Variants in PPM1F observed in about 807,000 individuals in gnomAD.
PPM1F encodes protein phosphatase 1F.
A neutral mutation model predicts 35.5 loss-of-function variants in PPM1F; 17 were observed. The ratio of observed to expected loss-of-function variants is 0.48; its 90% CI spans 0.33 to 0.72. The LOEUF (loss-of-function observed/expected upper bound fraction) is 0.72, where lower values mean the gene tolerates loss of function less well. Among genes scored for constraint, PPM1F ranks in the 30% least tolerant of loss-of-function variants. The pLI, the probability that PPM1F is intolerant of heterozygous loss-of-function variation, is 0.02. For synonymous variants in PPM1F, 241 were observed against 255.5 expected (o/e 0.94, Z 0.54); for missense variants, 521 against 613.0 (o/e 0.85, Z 1.59).
At chr22:21,946,207 G>A (rs915767904) in intron 1 of PPM1F, 99 bp from the exon 2 acceptor site, 4 of 555,784 alleles carry the variant, frequency 7.2e-6, no homozygotes, top group South Asian at 2.9e-5. Flanking sequence ...ATGGCCTCAT[G>A]GTTCAGGGCC....
Position 21,922,415 on chromosome 22 carries a change from C to A in PPM1F, c.*677G>T, listed in dbSNP as rs1601774765. 1 of 152,518 alleles carries A rather than the reference C, an allele frequency of 6.6e-6. No individual in the cohort carries two copies. The allele number at this position is 152,518 out of a possible 1,614,324, so 9.4% of individuals were successfully genotyped here. A position where few individuals can be genotyped will look rare whatever the true frequency, so the allele number is the denominator to read the frequency against. On this transcript the variant is annotated 3_prime_UTR_variant, in exon 8 of 8. Coordinates refer to ENST00000263212, the MANE Select transcript of PPM1F (RefSeq NM_014634.4). ...CCCTGGAAAAAAACAAACACACCAACAAAAGACACATGTGCGTCGCCGGTT... is the reference window on the plus strand; with the variant it reads ...CCCTGGAAAAAAACAAACACACCAAAAAAAGACACATGTGCGTCGCCGGTT...
intron 6 of PPM1F, among the ~76,000 whole-genome samples, chr22:21,928,332 T>C (rs1251066273): frequency 6.6e-6 from 1 of 152,164 alleles, no homozygotes; most frequent in East Asian, 1.9e-4. Context: ...CCGGGACTCC[T>C]ATCTCTCCCA....
intron 7 of PPM1F, among the ~76,000 whole-genome samples, chr22:21,923,788 C>T (rs2070477277): frequency 6.6e-6 from 1 of 152,106 alleles, no homozygotes. Context: ...AGCGATTCCC[C>T]TGCCTCAGCC....
intron 5 of PPM1F, among the ~76,000 whole-genome samples, chr22:21,931,833 G>A (rs2070594627): frequency 6.7e-6 from 1 of 150,372 alleles, no homozygotes. Context: ...TTTATTTAGA[G>A]GCAAAATCTT....
intron 3 of PPM1F, chr22:21,938,655 T>C (rs2070691107): frequency 1.0e-6 from 1 of 981,344 alleles, no homozygotes; most frequent in African/African-American, 1.8e-5. Flanking sequence ...GAAAATCCAC[T>C]GCAACTCTGC....
intron 1 of PPM1F, chr22:21,946,340 C>A: frequency 3.2e-6 from 1 of 312,758 alleles, no homozygotes; most frequent in South Asian, 9.6e-5. Flanking sequence ...TGGACATTGT[C>A]AAGAAGTGAC....
At chr22:21,938,134 C>T in intron 3 of PPM1F, 1 of 1,301,962 alleles carries the variant, frequency 7.7e-7, no homozygotes, top group South Asian at 1.2e-5. Context: ...CGCCCTCCCT[C>T]CTTCCCAGGC....
chr22:21,925,908 C>T (rs954003545), intron 6 of PPM1F: 1 of 427,096 alleles, frequency 2.3e-6, no homozygotes, highest in Non-Finnish European at 4.1e-6. Flanking sequence ...CCTGAGGCCG[C>T]CTAGCGGTGC....
intron 6 of PPM1F, among the ~76,000 whole-genome samples, chr22:21,927,569 C>A (rs945977890): frequency 6.6e-6 from 1 of 152,250 alleles, no homozygotes; most frequent in Non-Finnish European, 1.5e-5. Flanking sequence ...GGCTCTCCCC[C>A]ACAGGGGGCC....
intron 2 of PPM1F, chr22:21,941,576 C>G (rs1224198924): frequency 6.6e-6 from 1 of 152,280 alleles, no homozygotes; most frequent in Non-Finnish European, 1.5e-5. Context: ...ATGGTCTGGG[C>G]AGGAGATGGA....
rs997560617 is a variant in PPM1F at position 21,933,293 on chromosome 22, TC to T, written c.747+97del. On this transcript the variant is annotated intron_variant, in intron 5 of 7. Transcript: ENST00000263212. ...CACCGGCAGTGTTTAGTGAGGACCTTCCAGCACCACCAGCCCCTTTGGCGTT... is the reference window on the plus strand; with the variant it reads ...CACCGGCAGTGTTTAGTGAGGACCTTCAGCACCACCAGCCCCTTTGGCGTT... 16 of 1,183,476 alleles carry T rather than the reference TC, an allele frequency of 1.4e-5. No homozygotes were observed. In the African/African-American group the frequency reaches 2.3e-4, roughly 17 times the overall value. The allele number at this position is 1,183,476 out of a possible 1,614,324, so 73.3% of individuals were successfully genotyped here. A position where few individuals can be genotyped will look rare whatever the true frequency, so the allele number is the denominator to read the frequency against.
At chr22:21,934,884 CAA>C (rs59551724) in intron 3 of PPM1F, 150 of 64,300 alleles carry the variant, frequency 2.3e-3, no homozygotes, top group African/African-American at 8.1e-3. Flanking sequence ...GACTCTGTCT[CAA>C]AAAAAAAAAA....
At chr22:21,936,923 A>G (rs1002002354) in intron 3 of PPM1F, 6 of 152,264 alleles carry the variant, frequency 3.9e-5, no homozygotes, top group African/African-American at 1.4e-4. Flanking sequence ...AACAAATAAT[A>G]TAAGCCACAA....
At chr22:21,950,148 T>G (rs2070820161) in intron 1 of PPM1F, 1 of 152,312 alleles carries the variant, frequency 6.6e-6, no homozygotes, top group Admixed American at 6.5e-5. Context: ...ATCCCTGACC[T>G]GTCCCTCATT....
At chr22:21,948,041 A>G (rs2070794386) in intron 1 of PPM1F, 1 of 152,206 alleles carries the variant, frequency 6.6e-6, no homozygotes, top group Non-Finnish European at 1.5e-5. Flanking sequence ...ACACATACAA[A>G]TAACGTAGGA....
intron 6 of PPM1F, among the ~76,000 whole-genome samples, chr22:21,930,388 T>G (rs1456077635): frequency 1.3e-5 from 2 of 152,216 alleles, no homozygotes; most frequent in Non-Finnish European, 2.9e-5. Flanking sequence ...TCTGAGCAAT[T>G]AATGCTGCAC....
intron 6 of PPM1F, among the ~76,000 whole-genome samples, chr22:21,929,673 C>A (rs921606226): frequency 1.3e-5 from 2 of 152,152 alleles, no homozygotes; most frequent in Non-Finnish European, 2.9e-5. Flanking sequence ...GCCAAATTCC[C>A]CCACGGTGGT....
At position 21,939,827 on chromosome 22, in the gene PPM1F, G is replaced by A. The variant is rs2070705686; in HGVS notation, c.207-147C>T. The A allele has an allele frequency of 2.2e-6, 2 of 892,968 alleles. No individual in the cohort carries two copies. The highest frequency in any genetic ancestry group is 2.7e-5 in the Admixed American group (1 of 37,482). The allele number at this position is 892,968 out of a possible 1,614,324, so 55.3% of individuals were successfully genotyped here. A position where few individuals can be genotyped will look rare whatever the true frequency, so the allele number is the denominator to read the frequency against. On this transcript the variant is annotated intron_variant, in intron 2 of 7. Transcript: ENST00000263212. The surrounding 1 kb of genome is among the most constrained non-coding windows in gnomAD (Gnocchi z 5.1). Reference sequence around the variant, plus strand: ...AGGGAGCTGGGACAGGAAGGTCACAGGACAGCAAAGGCAGACGCACAACCA... The same window carrying A: ...AGGGAGCTGGGACAGGAAGGTCACAAGACAGCAAAGGCAGACGCACAACCA...
intron 7 of PPM1F, 54 bp downstream of exon 7, chr22:21,925,515 G>C (rs757608371): frequency 6.5e-6 from 10 of 1,534,202 alleles, no homozygotes; most frequent in Admixed American, 1.7e-5. Flanking sequence ...CACACTCGAG[G>C]CCTGGGCTTC....
Sources: allele counts gnomAD v4.1 joint callset (sites outside exome capture counted in the v4.1 genomes callset), GRCh38; gene constraint gnomAD v4.1.1; non-coding constraint Gnocchi (gnomAD v3.1); transcripts MANE v1.5; gene names NCBI Gene and HGNC (gene_info 2026-07-23, HGNC 2026-07-21).